The following MBTPS1 variants were observed in gnomAD, a reference collection of about 807,000 sequenced individuals.
MBTPS1 encodes membrane bound transcription factor peptidase, site 1, also known as membrane-bound transcription factor site-1 protease.
MBTPS1 carries 94 observed loss-of-function variants against 127.8 expected under a neutral mutation model. That is an observed-to-expected ratio of 0.74 (90% CI 0.62 to 0.87). MBTPS1 has a LOEUF of 0.87. Ranked by LOEUF, MBTPS1 falls within the 40% of genes least tolerant of loss-of-function variation. The pLI, the probability that MBTPS1 is intolerant of heterozygous loss-of-function variation, is 0.00. For synonymous variants in MBTPS1, 632 were observed against 509.4 expected (o/e 1.24, Z -3.24); for missense variants, 1,636 against 1,353.2 (o/e 1.21, Z -3.28).
intron 11 of MBTPS1, among the ~76,000 whole-genome samples, chr16:84,075,882 G>A (rs1198753599): frequency 6.6e-6 from 1 of 152,230 alleles, no homozygotes; most frequent in Non-Finnish European, 1.5e-5. Context: ...GTACTACCTA[G>A]TTTTAAAAAT....
chr16:84,100,214 C>T (rs551298307), intron 2 of MBTPS1, among the ~76,000 whole-genome samples: 1 of 152,294 alleles, frequency 6.6e-6, no homozygotes, highest in Non-Finnish European at 1.5e-5. Flanking sequence ...GAGTTTAAGA[C>T]CAGCCTGGGC....
rs373421924 is a variant in MBTPS1 at position 84,054,495 on chromosome 16, G to A, written c.3113C>T (p.Pro1038Leu). 1.7e-5 allele frequency: 27 copies of A among 1,612,634 alleles called. No individual in the cohort carries two copies. Among genetic ancestry groups the A allele is most frequent in the South Asian group, 1.2e-4 (11 of 90,936 alleles). The change falls in exon 23 of 23, where the codon CCG (proline) becomes CTG (leucine). Residue 1038 changes from proline to leucine, a missense_variant. Transcript: ENST00000343411. ...CGGGTGAACCTGCTGCATGAGCTGC[G>A]GGCGCTTCACCCTGGGCTTCCTCCG... ...PKRRKPRVKR[P>L]QLMQQVHPPK...
intron 19 of MBTPS1, among the ~76,000 whole-genome samples, chr16:84,062,813 GAT>G (rs2085632995): frequency 6.6e-6 from 1 of 152,192 alleles, no homozygotes; most frequent in Admixed American, 6.5e-5. Flanking sequence ...CACGCCTCGA[GAT>G]AACAAACGCT....
intron 18 of MBTPS1, among the ~76,000 whole-genome samples, chr16:84,064,034 C>G (rs2085648695): frequency 6.6e-6 from 1 of 152,148 alleles, no homozygotes; most frequent in Non-Finnish European, 1.5e-5. Flanking sequence ...TATCTTTGCC[C>G]AGATGACATA....
chr16:84,085,081 A>G lies in MBTPS1; in HGVS notation c.1188T>C (p.Ala396=). The change falls in exon 10 of 23, where the codon GCT becomes GCC. Residue 396 remains alanine, a synonymous_variant. Transcript: ENST00000343411. ...RMKPDIVTYG[A]GVRGSGVKGG... ...CTTTCACGCCAGAACCCCGCACGCC[A>G]GCACCATAGGTGACAATGTCAGGTT... The G allele has an allele frequency of 6.2e-7, 1 of 1,614,206 alleles. No homozygotes were observed. The highest frequency in any genetic ancestry group is 1.1e-5 in the South Asian group (1 of 91,082).
intron 18 of MBTPS1, among the ~76,000 whole-genome samples, chr16:84,064,783 T>A (rs16962669): frequency 0.25 from 37,285 of 152,172 alleles, 4,900 homozygotes; most frequent in East Asian, 0.4. Flanking sequence ...TAAACACAGA[T>A]CCAGTTACTG....
At chr16:84,091,015 ACC>A in intron 7 of MBTPS1, 73 bp from the exon 8 acceptor site, 7 of 906,750 alleles carry the variant, frequency 7.7e-6, no homozygotes, top group South Asian at 1.4e-5. Flanking sequence ...AAAAAAAAAA[ACC>A]ATACACAACG....
At chr16:84,088,535 C>T (rs922196219) in intron 8 of MBTPS1, among the ~76,000 whole-genome samples, 1 of 152,196 alleles carries the variant, frequency 6.6e-6, no homozygotes, top group Non-Finnish European at 1.5e-5. Flanking sequence ...CCTTCCCACC[C>T]TCCTCTACCT....
At chr16:84,090,413 G>A (rs1249123597) in intron 8 of MBTPS1, among the ~76,000 whole-genome samples, 1 of 152,140 alleles carries the variant, frequency 6.6e-6, no homozygotes, top group Non-Finnish European at 1.5e-5. Flanking sequence ...CGTTAGGCCC[G>A]CCAGCACTTC....
chr16:84,055,679 G>A (rs1041510059), intron 22 of MBTPS1, among the ~76,000 whole-genome samples: 10 of 152,056 alleles, frequency 6.6e-5, no homozygotes, highest in Non-Finnish European at 1.0e-4. Flanking sequence ...TGTAAGGGAC[G>A]TTAATAGGTG....
At chr16:84,111,304 C>T (rs1288951689) in intron 1 of MBTPS1, among the ~76,000 whole-genome samples, 3 of 152,162 alleles carry the variant, frequency 2.0e-5, no homozygotes, top group Non-Finnish European at 4.4e-5. Context: ...CTGTGGGAGG[C>T]CAAGTCGGGC....
At chr16:84,067,053 T>C (rs945179270) in intron 16 of MBTPS1, among the ~76,000 whole-genome samples, 8 of 152,096 alleles carry the variant, frequency 5.3e-5, no homozygotes, top group Admixed American at 2.0e-4. Flanking sequence ...GTAAATTAAT[T>C]ACTATAAATA....
At chr16:84,094,149 C>G (rs2086148569) in intron 4 of MBTPS1, among the ~76,000 whole-genome samples, 1 of 152,084 alleles carries the variant, frequency 6.6e-6, no homozygotes, top group South Asian at 2.1e-4. Flanking sequence ...TCTCAAGGCT[C>G]CAGGCTGGCA....
intron 19 of MBTPS1, 193 bp from the exon 20 acceptor site, chr16:84,061,006 T>C (rs571083709): frequency 3.7e-5 from 17 of 461,020 alleles, no homozygotes; most frequent in Non-Finnish European, 6.2e-5. Context: ...GCTAATTTTT[T>C]ATTTTTTGCA....
At chr16:84,058,357 C>T (rs1469299549) in intron 21 of MBTPS1, among the ~76,000 whole-genome samples, 1 of 152,212 alleles carries the variant, frequency 6.6e-6, no homozygotes, top group Non-Finnish European at 1.5e-5. Flanking sequence ...CCCATACCAT[C>T]ACTGGAGGAA....
intron 19 of MBTPS1, chr16:84,061,050 T>C (rs1048303576): frequency 1.6e-5 from 5 of 305,740 alleles, no homozygotes; most frequent in Non-Finnish European, 3.1e-5. Context: ...ACTCCTGGGC[T>C]CAAGTGATCT....
chr16:84,099,012 TA>T (rs2086216928), intron 3 of MBTPS1, 40 bp downstream of exon 3: 1 of 1,457,660 alleles, frequency 6.9e-7, no homozygotes, highest in Admixed American at 2.2e-5. Flanking sequence ...ATTTTCAAAG[TA>T]AACAGCAGAG....
At chr16:84,094,306 A>G (rs2086150529) in intron 4 of MBTPS1, among the ~76,000 whole-genome samples, 1 of 152,150 alleles carries the variant, frequency 6.6e-6, no homozygotes, top group Non-Finnish European at 1.5e-5. Context: ...CCCAATAAGG[A>G]CAGCAATTTA....
chr16:84,090,480 C>T (rs906402426), intron 8 of MBTPS1, among the ~76,000 whole-genome samples: 6 of 152,198 alleles, frequency 3.9e-5, no homozygotes, highest in Non-Finnish European at 5.9e-5. Flanking sequence ...AGGCAGAAAC[C>T]TCTTCCGTTT....
Sources: gnomAD v4.1 joint callset for allele counts (sites outside exome capture counted in the v4.1 genomes callset) on GRCh38, gnomAD v4.1.1 for gene constraint, MANE v1.5 for transcripts, NCBI Gene and HGNC (gene_info 2026-07-23, HGNC 2026-07-21) for gene names.